CA10: variants seen among roughly 807,000 people sequenced by gnomAD.
The protein encoded by CA10 is carbonic anhydrase-related protein 10.
Under a neutral mutation model 44.2 loss-of-function variants are expected in CA10, and 14 were observed. That is an observed-to-expected ratio of 0.32 (90% CI 0.21 to 0.50). The LOEUF (loss-of-function observed/expected upper bound fraction) is 0.50. Among genes scored for constraint, CA10 ranks in the 20% least tolerant of loss-of-function variants. The pLI, the probability that CA10 is intolerant of heterozygous loss-of-function variation, is 0.99. For synonymous variants in CA10, 159 were observed against 141.6 expected (o/e 1.12, Z -0.87); for missense variants, 350 against 409.7 (o/e 0.85, Z 1.26).
intron 2 of CA10, among the ~76,000 whole-genome samples, chr17:51,997,079 C>T (rs1434672297): frequency 6.6e-6 from 1 of 152,042 alleles, no homozygotes; most frequent in Admixed American, 6.6e-5. Flanking sequence ...CTGGTTGGTA[C>T]CTGCTCAGCC....
intron 2 of CA10, among the ~76,000 whole-genome samples, chr17:51,999,197 C>A (rs1985339101): frequency 1.3e-5 from 2 of 151,970 alleles, no homozygotes; most frequent in South Asian, 4.1e-4. Context: ...CTGTCTTGTG[C>A]AATCACTCCA....
chr17:51,808,694 A>T (rs183887653), intron 3 of CA10, among the ~76,000 whole-genome samples: 9 of 152,320 alleles, frequency 5.9e-5, no homozygotes, highest in Non-Finnish European at 1.0e-4. Context: ...GAAAGTGCCT[A>T]TAATATTGTA....
At chr17:52,106,000 G>T (rs1988653756) in intron 1 of CA10, among the ~76,000 whole-genome samples, 1 of 152,178 alleles carries the variant, frequency 6.6e-6, no homozygotes, top group Non-Finnish European at 1.5e-5. Flanking sequence ...TTCAATAAAA[G>T]TTGATAATTC....
At chr17:51,732,507 T>C (rs1916754028) in intron 4 of CA10, among the ~76,000 whole-genome samples, 3 of 152,322 alleles carry the variant, frequency 2.0e-5, no homozygotes, top group Admixed American at 2.0e-4. Context: ...CTTGTGAATT[T>C]TGTCAGGCTG....
At chr17:51,894,275 G>T (rs754584458) in intron 3 of CA10, among the ~76,000 whole-genome samples, 1 of 152,066 alleles carries the variant, frequency 6.6e-6, no homozygotes, top group Non-Finnish European at 1.5e-5. Context: ...GAGCTGTCCC[G>T]TTCAAAAGGC....
intron 3 of CA10, among the ~76,000 whole-genome samples, chr17:51,751,498 T>C (rs1237144084): frequency 1.3e-5 from 2 of 152,214 alleles, no homozygotes; most frequent in Non-Finnish European, 2.9e-5. Flanking sequence ...TTAACTAATA[T>C]ATGTGATGGT....
At chr17:51,641,261 T>G (rs539243566) in intron 6 of CA10, among the ~76,000 whole-genome samples, 2 of 152,062 alleles carry the variant, frequency 1.3e-5, no homozygotes, top group South Asian at 2.1e-4. Flanking sequence ...TCAAGAGTCT[T>G]AATTCAAGTC....
At chr17:51,816,156 GT>G (rs771285955) in intron 3 of CA10, among the ~76,000 whole-genome samples, 33 of 152,214 alleles carry the variant, frequency 2.2e-4, no homozygotes, top group Non-Finnish European at 4.0e-4. Flanking sequence ...ACACAAATAA[GT>G]GAGGACATGC....
chr17:51,865,744 C>A (rs1979517964), intron 3 of CA10, among the ~76,000 whole-genome samples: 1 of 152,232 alleles, frequency 6.6e-6, no homozygotes, highest in African/African-American at 2.4e-5. Context: ...AGCTTTAAAT[C>A]CATGCCTGAG....
In CA10 at chr17:52,157,529, A is replaced by ACCCCCCC. The variant is rs368350526; in HGVS notation, c.61+190_61+196dup. Among the ~76,000 whole-genome samples, 154 of 110,334 alleles carry ACCCCCCC rather than the reference A, an allele frequency of 1.4e-3. 3 individuals carry two copies. The highest frequency in any genetic ancestry group is 2.2e-3 in the African/African-American group (59 of 26,636). 72.4% of individuals were successfully genotyped at this position (110,334 alleles called of 152,430 possible). A position where few individuals can be genotyped will look rare whatever the true frequency, so the allele number is the denominator to read the frequency against. On this transcript the variant is annotated intron_variant, in intron 1 of 8. Coordinates refer to ENST00000451037, the MANE Select transcript of CA10 (RefSeq NM_020178.5). ...CTAGGACTGCACACAGATCCTAACCACCCCCCCCCGCAAAACACACACATT... is the reference window on the plus strand; with the variant it reads ...CTAGGACTGCACACAGATCCTAACCACCCCCCCCCCCCCCCCGCAAAACACACACATT...
chr17:51,924,958 C>T (rs1197221264), intron 3 of CA10, among the ~76,000 whole-genome samples: 1 of 152,170 alleles, frequency 6.6e-6, no homozygotes, highest in Non-Finnish European at 1.5e-5. Flanking sequence ...AACAAAAAAC[C>T]TGAAGATATG....
chr17:51,831,733 A>AGCAGCAGCCGCCGCCGC (rs1567854687), intron 3 of CA10, among the ~76,000 whole-genome samples: 1 of 121,522 alleles, frequency 8.2e-6, no homozygotes, highest in African/African-American at 4.1e-5. Context: ...GCAGCAGCAG[A>AGCAGCAGCCGCCGCCGC]AAAAGACCTT....
At chr17:51,766,059 A>G (rs934259143) in intron 3 of CA10, among the ~76,000 whole-genome samples, 7 of 152,140 alleles carry the variant, frequency 4.6e-5, no homozygotes, top group African/African-American at 1.4e-4. Context: ...GAAGTAAGCA[A>G]TGGTGCTGTA....
At chr17:52,063,932 TAGA>T (rs1987462647) in intron 2 of CA10, among the ~76,000 whole-genome samples, 1 of 152,180 alleles carries the variant, frequency 6.6e-6, no homozygotes, top group African/African-American at 2.4e-5. Context: ...CTTCCTTGAG[TAGA>T]CTGCCATTTC....
At chr17:51,732,941 T>C (rs1045915792) in intron 4 of CA10, among the ~76,000 whole-genome samples, 4 of 152,200 alleles carry the variant, frequency 2.6e-5, no homozygotes, top group South Asian at 2.1e-4. Context: ...CCCTGGCTTA[T>C]AACCTTGTTT....
At chr17:52,157,138 C>T (rs1989819563) in intron 1 of CA10, among the ~76,000 whole-genome samples, 1 of 152,128 alleles carries the variant, frequency 6.6e-6, no homozygotes, top group South Asian at 2.1e-4. Context: ...ATTTGTGACA[C>T]TGTAGTGCTT....
chr17:51,849,266 A>AT (rs1555605624), intron 3 of CA10, among the ~76,000 whole-genome samples: 3 of 68,468 alleles, frequency 4.4e-5, no homozygotes, highest in Non-Finnish European at 3.9e-5. Flanking sequence ...TATATATATA[A>AT]AACTAAGTTT....
At chr17:51,755,792 A>C (rs1370640679) in intron 3 of CA10, among the ~76,000 whole-genome samples, 2 of 152,178 alleles carry the variant, frequency 1.3e-5, no homozygotes, top group Non-Finnish European at 2.9e-5. Flanking sequence ...TTCTACTCAA[A>C]GATACAAAAG....
At chr17:52,042,522 T>C (rs1018196084) in intron 2 of CA10, among the ~76,000 whole-genome samples, 3 of 152,024 alleles carry the variant, frequency 2.0e-5, no homozygotes, top group Non-Finnish European at 2.9e-5. Context: ...AGATGTATAA[T>C]TTGCAAATAT....
Sources: gnomAD v4.1 joint callset for allele counts (sites outside exome capture counted in the v4.1 genomes callset) on GRCh38, gnomAD v4.1.1 for gene constraint, MANE v1.5 for transcripts, NCBI Gene and HGNC (gene_info 2026-07-23, HGNC 2026-07-21) for gene names.